Variants in STON1 observed in about 807,000 individuals in gnomAD.
The protein encoded by STON1 is stonin 1.
A neutral mutation model predicts 60.9 loss-of-function variants in STON1; 79 were observed. The observed-to-expected ratio is 1.30, with a 90% CI of 1.08 to 1.56. The LOEUF is 1.56. Among genes scored for constraint, STON1 ranks in the 40% most tolerant of loss-of-function variants. The pLI is 0.00. For missense variants in STON1, 1,166 were observed against 858.9 expected (o/e 1.36, Z -4.47); for synonymous variants, 363 against 306.9 (o/e 1.18, Z -1.91).
At chr2:48,570,387 G>A (rs1673141447) in intron 1 of STON1, among the ~76,000 whole-genome samples, 1 of 152,070 alleles carries the variant, frequency 6.6e-6, no homozygotes, top group South Asian at 2.1e-4. Context: ...AGAAAGGGGT[G>A]GATTGTACAA....
In STON1 at chr2:48,548,322, C is replaced by T. The variant is rs150684881; in HGVS notation, c.-48+18106C>T. On this transcript the variant is annotated intron_variant, in intron 1 of 3. Coordinates refer to ENST00000404752, the MANE Select transcript of STON1 (RefSeq NM_006873.4). ...GGTGATGGGAGACTTCCTTTCCTTCCATTCCACTTTTGTCTGCTGGGGACC... is the reference window on the plus strand; with the variant it reads ...GGTGATGGGAGACTTCCTTTCCTTCTATTCCACTTTTGTCTGCTGGGGACC... Among the ~76,000 whole-genome samples, 369 of 152,276 alleles carry T rather than the reference C, an allele frequency of 2.4e-3. 3 individuals carry two copies. Among genetic ancestry groups the T allele is most frequent in the Non-Finnish European group, 4.0e-3 (274 of 68,028 alleles).
chr2:48,595,214 C>G lies in STON1; in HGVS notation c.2134-14C>G. On this transcript the variant is annotated splice_polypyrimidine_tract_variant and intron_variant, in intron 3 of 3. Coordinates refer to ENST00000404752, the MANE Select transcript of STON1 (RefSeq NM_006873.4). Reference sequence around the variant, plus strand: ...ATTTGTTAATGCTGCCTGTGTTTTGCTTTTGCATAACAGGTTGAAATAGAA... The same window carrying G: ...ATTTGTTAATGCTGCCTGTGTTTTGGTTTTGCATAACAGGTTGAAATAGAA... 2 of 1,610,978 alleles carry G rather than the reference C, an allele frequency of 1.2e-6. No individual in the cohort carries two copies. Among genetic ancestry groups the G allele is most frequent in the Non-Finnish European group, 1.7e-6 (2 of 1,177,408 alleles).
chr2:48,567,761 A>C (rs1435929845), intron 1 of STON1, among the ~76,000 whole-genome samples: 1 of 152,166 alleles, frequency 6.6e-6, no homozygotes, highest in Non-Finnish European at 1.5e-5. Flanking sequence ...TCACAGCTGC[A>C]TGTTAACACA....
In STON1 at chr2:48,580,748, G is replaced by T; in HGVS notation, c.115G>T (p.Gly39Ter). The T allele has an allele frequency of 6.5e-7, 1 of 1,546,310 alleles. No individual in the cohort carries two copies. The change falls in exon 2 of 4, where the codon GGA (glycine) becomes TGA (stop). Residue 39 changes from glycine to a stop codon, truncating the protein, a stop_gained. Coordinates refer to ENST00000404752, the MANE Select transcript of STON1 (RefSeq NM_006873.4). LOFTEE classifies it high-confidence loss of function. ...GAATCAAGGTGTCTGTAGACCAAAT[G>T]GACTGAAGCTGAACCTTCCTGGCCT... Reference protein sequence around the residue: ...LENQGVCRPNGLKLNLPGLRE... With the variant: ...LENQGVCRPN
chr2:48,591,389 A>C (rs1674503381), intron 2 of STON1, among the ~76,000 whole-genome samples: 2 of 151,646 alleles, frequency 1.3e-5, no homozygotes, highest in South Asian at 4.2e-4. Context: ...TATATTTTTT[A>C]TTTTTATATT....
At chr2:48,539,818 A>G (rs1341128243) in intron 1 of STON1, among the ~76,000 whole-genome samples, 1 of 152,068 alleles carries the variant, frequency 6.6e-6, no homozygotes, top group Non-Finnish European at 1.5e-5. Context: ...CAAATTTTAT[A>G]GGCCACTCAT....
chr2:48,553,978 T>G (rs1672205432), intron 1 of STON1, among the ~76,000 whole-genome samples: 1 of 152,212 alleles, frequency 6.6e-6, no homozygotes, highest in Admixed American at 6.5e-5. Flanking sequence ...CCCAAAGGAC[T>G]TCTGTGTGCT....
At chr2:48,566,145 A>C (rs1040955947) in intron 1 of STON1, among the ~76,000 whole-genome samples, 2 of 152,126 alleles carry the variant, frequency 1.3e-5, no homozygotes, top group East Asian at 3.8e-4. Flanking sequence ...AACCAAACTC[A>C]ATTTCCATTT....
chr2:48,572,574 A>G (rs904525904), intron 1 of STON1, among the ~76,000 whole-genome samples: 10 of 152,236 alleles, frequency 6.6e-5, no homozygotes, highest in African/African-American at 2.4e-4. Flanking sequence ...TTGTCTCATA[A>G]TAAGCAAAAA....
chr2:48,582,230 G>T lies in STON1; in HGVS notation c.1597G>T (p.Val533Leu), dbSNP rs138823425. The change falls in exon 2 of 4, where the codon GTA becomes TTA. Residue 533 changes from valine (V) to leucine (L), a missense_variant. Transcript: ENST00000404752. ...TAATCTTCCCTTTTCCTTGAAGTCT[G>T]TAGTGGTTGTCCAGGGAGCATACGT... Reference protein sequence around the residue: ...GDNLPFSLKSVVVVQGAYVEL... With the variant: ...GDNLPFSLKSLVVVQGAYVEL... 1.0e-4 allele frequency: 165 copies of T among 1,614,242 alleles called. No homozygotes were observed. In the African/African-American group the frequency reaches 2.1e-3, roughly 21 times the overall value.
intron 1 of STON1, among the ~76,000 whole-genome samples, chr2:48,554,575 A>G (rs1672233045): frequency 6.6e-6 from 1 of 152,194 alleles, no homozygotes; most frequent in South Asian, 2.1e-4. Context: ...TTAGCCTGCC[A>G]GGGGCTCAAG....
At chr2:48,571,449 G>C (rs1220174446) in intron 1 of STON1, among the ~76,000 whole-genome samples, 1 of 152,198 alleles carries the variant, frequency 6.6e-6, no homozygotes, top group Non-Finnish European at 1.5e-5. Flanking sequence ...GACGTTGCCT[G>C]TGAAGGGCTT....
intron 1 of STON1, among the ~76,000 whole-genome samples, chr2:48,555,500 C>T (rs1672306683): frequency 1.2e-5 from 1 of 86,112 alleles, no homozygotes. Flanking sequence ...GGGTGGGGGG[C>T]TGACCCCCCC....
rs772630448 is a variant in STON1, at chr2:48,581,030, C to T, written c.397C>T (p.His133Tyr). ...LLPTRPTCLSHALLPSDHSCT... is the reference protein window; with the variant it reads ...LLPTRPTCLSYALLPSDHSCT... ...GCCTACCAGACCAACATGTTTATCCCATGCCTTGTTACCCAGTGACCACTC... is the reference window on the plus strand; with the variant it reads ...GCCTACCAGACCAACATGTTTATCCTATGCCTTGTTACCCAGTGACCACTC... The change falls in exon 2 of 4, where the codon CAT becomes TAT. Residue 133 changes from histidine to tyrosine, a missense_variant. Physicochemically the swap from His to Tyr is moderately conservative, Grantham distance 83. Coordinates refer to ENST00000404752, the MANE Select transcript of STON1 (RefSeq NM_006873.4). 1.3e-6 allele frequency: 2 copies of T among 1,574,122 alleles called. No individual in the cohort carries two copies. Among genetic ancestry groups the T allele is most frequent in the South Asian group, 1.2e-5 (1 of 82,412 alleles).
chr2:48,572,110 C>G (rs1449175878), intron 1 of STON1, among the ~76,000 whole-genome samples: 1 of 152,192 alleles, frequency 6.6e-6, no homozygotes, highest in African/African-American at 2.4e-5. Context: ...TTGCAGTGAG[C>G]CAAGATCATG....
chr2:48,582,959 ACTT>A (rs1377737911), intron 2 of STON1, among the ~76,000 whole-genome samples: 4 of 152,174 alleles, frequency 2.6e-5, no homozygotes, highest in Non-Finnish European at 5.9e-5. Flanking sequence ...ATATACCTGA[ACTT>A]CTTTGCATTC....
intron 1 of STON1, chr2:48,531,022 C>CATG (rs1671189527): frequency 6.6e-6 from 1 of 152,146 alleles, no homozygotes; most frequent in African/African-American, 2.4e-5. Context: ...ATTAGCGTTT[C>CATG]TAATATCTAA....
chr2:48,594,400 T>C (rs1034443158), intron 3 of STON1, among the ~76,000 whole-genome samples: 11 of 152,326 alleles, frequency 7.2e-5, no homozygotes, highest in Admixed American at 5.9e-4. Context: ...TACTAGTTGA[T>C]GTGCACCTGG....
At chr2:48,538,416 GCTTT>G (rs1671516843) in intron 1 of STON1, among the ~76,000 whole-genome samples, 1 of 152,042 alleles carries the variant, frequency 6.6e-6, no homozygotes, top group Non-Finnish European at 1.5e-5. Context: ...ATGAATTTAG[GCTTT>G]CTATTCCTTC....
Sources: allele counts gnomAD v4.1 joint callset (sites outside exome capture counted in the v4.1 genomes callset), GRCh38; gene constraint gnomAD v4.1.1; transcripts MANE v1.5; gene names NCBI Gene and HGNC (gene_info 2026-07-23, HGNC 2026-07-21).